Variants in DNAH11 observed in about 807,000 individuals in gnomAD.
DNAH11 encodes dynein axonemal heavy chain 11.
DNAH11 carries 442 observed loss-of-function variants against 526.0 expected under a neutral mutation model. The observed-to-expected ratio is 0.84, with a 90% confidence interval of 0.78 to 0.91. The LOEUF (loss-of-function observed/expected upper bound fraction) is 0.91. DNAH11 is among the 40% of genes least tolerant of loss of function. The pLI, the probability that DNAH11 is intolerant of heterozygous loss-of-function variation, is 0.00. For missense variants in DNAH11, 6,989 were observed against 5,448.7 expected (o/e 1.28, Z -8.90); for synonymous variants, 2,461 against 1,935.9 (o/e 1.27, Z -7.12).
In DNAH11 at chr7:21,570,112, T is replaced by C. The variant is rs1783826236; in HGVS notation, c.1238T>C (p.Ile413Thr). The change falls in exon 7 of 82, where the codon ATA becomes ACA. Residue 413 changes from isoleucine (I) to threonine (T), a missense_variant. Physicochemically the swap from Ile to Thr is moderately conservative, Grantham distance 89 (BLOSUM62 -1). Transcript: ENST00000409508. ...LSPEDLLRGE[I>T]EESLEKVQVA... ...CCTGAGGACCTTTTGAGGGGAGAAA[T>C]AGAAGAGTCACTGGAAAAGGTGCAG... 1.9e-6 allele frequency: 3 copies of C among 1,612,530 alleles called. No homozygotes were observed. The highest frequency in any genetic ancestry group is 2.5e-6 in the Non-Finnish European group (3 of 1,179,272).
At chr7:21,747,078 G>A (rs187674257) in intron 51 of DNAH11, among the ~76,000 whole-genome samples, 187 of 152,322 alleles carry the variant, frequency 1.2e-3, no homozygotes, top group African/African-American at 4.2e-3. Flanking sequence ...GTCCTTGAGT[G>A]TTATAGAAAG....
Position 21,685,553 on chromosome 7 carries a change from A to T in DNAH11, c.5622-1546A>T. Among the ~76,000 whole-genome samples the T allele has an allele frequency of 1.3e-5, 2 of 152,206 alleles. 1 individual carries two copies. The highest frequency in any genetic ancestry group is 4.8e-5 in the African/African-American group (2 of 41,458). ...ATGATGCCCTTCAAATTCTTCCATT[A>T]TATTTCATTTGATGCTGACCATCCC... is the stretch of plus-strand genomic sequence containing the variant. On this transcript the variant is annotated intron_variant, in intron 32 of 81. Transcript: ENST00000409508.
intron 45 of DNAH11, among the ~76,000 whole-genome samples, chr7:21,729,117 G>T (rs958171119): frequency 6.6e-6 from 1 of 152,232 alleles, no homozygotes; most frequent in Non-Finnish European, 1.5e-5. Context: ...AGTGGCAGTA[G>T]ATGTTCTGCT....
At position 21,749,671 on chromosome 7, in the gene DNAH11, CT is replaced by C. The variant is rs1786316329; in HGVS notation, c.8674-5del. The C allele has an allele frequency of 1.2e-6, 2 of 1,613,606 alleles. No individual in the cohort carries two copies. Among genetic ancestry groups the C allele is most frequent in the African/African-American group, 1.3e-5 (1 of 74,914 alleles). On this transcript the variant is annotated splice_region_variant and splice_polypyrimidine_tract_variant and intron_variant, in intron 52 of 81. Transcript: ENST00000409508. ...AACAAAACATGAGTGATGGCCTTTC[CT>C]TACAGGTAGATCTTGCCAATTTGTA...
chr7:21,854,404 T>G lies in DNAH11; in HGVS notation c.11151T>G (p.Phe3717Leu), dbSNP rs1177460396. ...CAGCAAGAGCATCTCTTCTTTATTT[T>G]GTTATTAATGACCTCCAAAAAATCA... ...PVAARASLLY[F>L]VINDLQKINP... Residue 3717 changes from phenylalanine (F) to leucine (L), a missense_variant, in exon 68 of 82, where the codon TTT becomes TTG. Phe to Leu is a conservative substitution (Grantham distance 22). Transcript: ENST00000409508. 1 of 1,613,932 alleles carries G rather than the reference T, an allele frequency of 6.2e-7. No homozygotes were observed.
In DNAH11 at chr7:21,606,689, C is replaced by T. The variant is rs886062175; in HGVS notation, c.3808C>T (p.Pro1270Ser). The change falls in exon 20 of 82, where the codon CCT (proline) becomes TCT (serine). Residue 1270 changes from proline to serine, a missense_variant. By Grantham distance (74) the Pro-to-Ser change is moderately conservative (BLOSUM62 -1). Coordinates refer to ENST00000409508, the MANE Select transcript of DNAH11 (RefSeq NM_001277115.2). Reference sequence around the variant, plus strand: ...CAGAGAGAGATTCAGACACTATGCCCCTCTTGGATTTAATGCAGAAAATCC... The same window carrying T: ...CAGAGAGAGATTCAGACACTATGCCTCTCTTGGATTTAATGCAGAAAATCC... ...EFRERFRHYA[P>S]LGFNAENPYT... 9 of 1,611,046 alleles carry T rather than the reference C, an allele frequency of 5.6e-6. No homozygotes were observed. Among genetic ancestry groups the T allele is most frequent in the Admixed American group, 1.7e-5 (1 of 59,790 alleles).
In DNAH11 at chr7:21,681,663, C is replaced by G; in HGVS notation, c.5446C>G (p.Leu1816Val). The G allele has an allele frequency of 6.2e-7, 1 of 1,613,888 alleles. No individual in the cohort carries two copies. The highest frequency in any genetic ancestry group is 1.1e-5 in the South Asian group (1 of 91,080). Reference protein sequence around the residue: ...DVHARDVVAKLISQKVVSPQA... With the variant: ...DVHARDVVAKVISQKVVSPQA... ...CCATGCCAGAGACGTGGTGGCAAAA[C>G]TTATTTCTCAGAAGGCAAGTTGTTT... is the stretch of plus-strand genomic sequence containing the variant. The change falls in exon 31 of 82, where the codon CTT becomes GTT. Residue 1816 changes from leucine (L) to valine (V), a missense_variant. Transcript: ENST00000409508.
Position 21,901,469 on chromosome 7 carries a change from G to T in DNAH11, c.*215G>T. ...ACACGACTGTAATCCCAGTTACTCA[G>T]GAGGTAGGAGAATCACTTGAACCTA... On this transcript the variant is annotated 3_prime_UTR_variant, in exon 82 of 82. Coordinates refer to ENST00000409508, the MANE Select transcript of DNAH11 (RefSeq NM_001277115.2). 1.9e-6 allele frequency: 1 copy of T among 531,042 alleles called. No individual in the cohort carries two copies. Among genetic ancestry groups the T allele is most frequent in the Non-Finnish European group, 2.8e-6 (1 of 359,322 alleles). The allele number at this position is 531,042 out of a possible 1,614,324, so 32.9% of individuals were successfully genotyped here. A position where few individuals can be genotyped will look rare whatever the true frequency, so the allele number is the denominator to read the frequency against.
At position 21,901,223 on chromosome 7, in the gene DNAH11, T is replaced by C. The variant is rs1202183671; in HGVS notation, c.13520T>C (p.Leu4507Pro). The C allele has an allele frequency of 1.9e-6, 3 of 1,610,790 alleles. No individual in the cohort carries two copies. Among genetic ancestry groups the C allele is most frequent in the East Asian group, 2.2e-5 (1 of 44,722 alleles). Residue 4507 changes from leucine (L) to proline (P), a missense_variant, in exon 82 of 82, where the codon CTG becomes CCG. Physicochemically the swap from Leu to Pro is moderately conservative, Grantham distance 98 (BLOSUM62 -3). Coordinates refer to ENST00000409508, the MANE Select transcript of DNAH11 (RefSeq NM_001277115.2). ...KSEEKTAKWV[L>P]AGVALLLEA Reference sequence around the variant, plus strand: ...GAAGAGAAGACTGCAAAATGGGTTCTGGCTGGAGTGGCTCTGCTTCTAGAA... The same window carrying C: ...GAAGAGAAGACTGCAAAATGGGTTCCGGCTGGAGTGGCTCTGCTTCTAGAA...
intron 76 of DNAH11, among the ~76,000 whole-genome samples, chr7:21,887,016 C>G (rs1784147668): frequency 1.3e-5 from 2 of 152,182 alleles, no homozygotes; most frequent in South Asian, 4.1e-4. Flanking sequence ...CCTGTTTATG[C>G]TGTTTATATG....
intron 76 of DNAH11, among the ~76,000 whole-genome samples, chr7:21,887,787 T>C (rs1371797314): frequency 6.6e-6 from 1 of 152,220 alleles, no homozygotes; most frequent in East Asian, 1.9e-4. Flanking sequence ...CCACACACTT[T>C]ATATGTATGA....
At chr7:21,547,074 C>CAA in intron 2 of DNAH11, among the ~76,000 whole-genome samples, 1 of 152,238 alleles carries the variant, frequency 6.6e-6, no homozygotes, top group Non-Finnish European at 1.5e-5. Context: ...CACAAACTGA[C>CAA]AACTAAAATA....
intron 75 of DNAH11, among the ~76,000 whole-genome samples, chr7:21,882,798 A>G (rs939344987): frequency 6.6e-6 from 1 of 152,224 alleles, no homozygotes; most frequent in Non-Finnish European, 1.5e-5. Flanking sequence ...CTCTGTCTCA[A>G]AAACAAAAGA....
chr7:21,725,557 C>T (rs996651141), intron 44 of DNAH11, among the ~76,000 whole-genome samples: 22 of 152,074 alleles, frequency 1.4e-4, no homozygotes, highest in Admixed American at 2.0e-4. Context: ...TGAACACCAC[C>T]GTTACAATAG....
At chr7:21,743,103 C>T (rs1018394723) in intron 49 of DNAH11, among the ~76,000 whole-genome samples, 1 of 152,150 alleles carries the variant, frequency 6.6e-6, no homozygotes, top group Non-Finnish European at 1.5e-5. Flanking sequence ...GTTACATGGG[C>T]AATTAAGTTT....
At chr7:21,697,980 G>T in intron 35 of DNAH11, 95 bp from the exon 36 acceptor site, 1 of 1,301,224 alleles carries the variant, frequency 7.7e-7, no homozygotes, top group Non-Finnish European at 1.1e-6. Context: ...CTTAGGAATG[G>T]TTAAAATGTT....
chr7:21,829,453 C>T (rs1004202125), intron 65 of DNAH11, among the ~76,000 whole-genome samples: 1 of 152,166 alleles, frequency 6.6e-6, no homozygotes, highest in African/African-American at 2.4e-5. Flanking sequence ...TTTTGCAAAT[C>T]TTTTGAAAAG....
chr7:21,836,638 T>G (rs1782007625), intron 65 of DNAH11, among the ~76,000 whole-genome samples: 1 of 152,090 alleles, frequency 6.6e-6, no homozygotes, highest in Non-Finnish European at 1.5e-5. Flanking sequence ...ACTATAAAAC[T>G]ACTAGAAGAA....
intron 71 of DNAH11, 42 bp downstream of exon 71, chr7:21,866,705 T>G: frequency 6.4e-7 from 1 of 1,559,302 alleles, no homozygotes; most frequent in Non-Finnish European, 8.7e-7. Flanking sequence ...TTAGTTAACA[T>G]AGAGGAAATG....
Sources: allele counts gnomAD v4.1 joint callset (sites outside exome capture counted in the v4.1 genomes callset), GRCh38; gene constraint gnomAD v4.1.1; transcripts MANE v1.5; gene names NCBI Gene and HGNC (gene_info 2026-07-23, HGNC 2026-07-21).